FOCAD: variants seen among roughly 807,000 people sequenced by gnomAD.
FOCAD encodes KIAA1797.
In FOCAD, 198 loss-of-function variants were observed where a neutral mutation model predicts 225.6. That is an observed-to-expected ratio of 0.88 (90% confidence interval 0.78 to 0.99). The LOEUF (loss-of-function observed/expected upper bound fraction) is 0.99, where lower values mean the gene tolerates loss of function less well. FOCAD is among the 50% of genes least tolerant of loss of function. The pLI, the probability that FOCAD is intolerant of heterozygous loss-of-function variation, is 0.00. For missense variants in FOCAD, 2,713 were observed against 2,123.6 expected, an observed-to-expected ratio of 1.28 and a Z score of -5.46; for synonymous variants, 897 against 755.0, an observed-to-expected ratio of 1.19 and a Z score of -3.08.
At chr9:20,829,211 T>C (rs2131482287) in intron 15 of FOCAD, among the ~76,000 whole-genome samples, 1 of 152,164 alleles carries the variant, frequency 6.6e-6, no homozygotes, top group East Asian at 1.9e-4. Context: ...GAGGAAAAAC[T>C]GCACCTTCCA....
intron 7 of FOCAD, among the ~76,000 whole-genome samples, chr9:20,767,766 T>G (rs920962581): frequency 1.2e-3 from 173 of 147,802 alleles, no homozygotes; most frequent in African/African-American, 4.0e-3. Flanking sequence ...TTTCTCCCAT[T>G]TTGTAGGTTG....
chr9:20,921,855 G>A (rs1359435772), intron 24 of FOCAD, among the ~76,000 whole-genome samples: 2 of 152,234 alleles, frequency 1.3e-5, no homozygotes, highest in South Asian at 4.1e-4. Context: ...GGGTTAAAAA[G>A]AACTTTTTAT....
intron 2 of FOCAD, among the ~76,000 whole-genome samples, chr9:20,664,343 G>A (rs866238130): frequency 6.7e-6 from 1 of 149,648 alleles, no homozygotes; most frequent in Non-Finnish European, 1.5e-5. Context: ...ATTAAAAGAG[G>A]TAAAAAGTAA....
chr9:20,849,604 C>T (rs1425754329), intron 15 of FOCAD, among the ~76,000 whole-genome samples: 2 of 151,690 alleles, frequency 1.3e-5, no homozygotes, highest in Admixed American at 1.3e-4. Context: ...GATTTGGGTC[C>T]AAAGAGTTAG....
At chr9:20,761,406 A>G (rs1248393261) in intron 6 of FOCAD, among the ~76,000 whole-genome samples, 1 of 151,784 alleles carries the variant, frequency 6.6e-6, no homozygotes, top group Non-Finnish European at 1.5e-5. Context: ...GTTGGGCCTA[A>G]AGCCTCCGTT....
At chr9:20,721,973 T>TCCCCC (rs1485668129) in intron 4 of FOCAD, among the ~76,000 whole-genome samples, 2 of 33,694 alleles carry the variant, frequency 5.9e-5, no homozygotes, top group Non-Finnish European at 1.0e-4. Context: ...TTCTTTTTTC[T>TCCCCC]CCCCTCCTTC....
intron 38 of FOCAD, among the ~76,000 whole-genome samples, chr9:20,982,128 T>C (rs973379096): frequency 6.6e-6 from 1 of 152,146 alleles, no homozygotes; most frequent in Non-Finnish European, 1.5e-5. Flanking sequence ...TGAAGGAATT[T>C]TGATAAGGAG....
In FOCAD at chr9:20,770,224, G is replaced by T; in HGVS notation, c.892G>T (p.Glu298Ter). The T allele has an allele frequency of 6.2e-7, 1 of 1,613,824 alleles. No homozygotes were observed. The highest frequency in any genetic ancestry group is 1.1e-5 in the South Asian group (1 of 91,042). Residue 298 changes from glutamate (E) to a stop codon, truncating the protein, a stop_gained, in exon 8 of 44, where the codon GAA becomes TAA. Transcript: ENST00000338382. LOFTEE classifies it high-confidence loss of function. ...AATTCACCTTTTAGAGCACAGTGTT[G>T]AACTTCTGAAGGAGGTAAGGATAGT... is the stretch of plus-strand genomic sequence containing the variant. Reference protein sequence around the residue: ...SSIHLLEHSVELLKEDFPVEL... With the variant: ...SSIHLLEHSV
intron 15 of FOCAD, among the ~76,000 whole-genome samples, chr9:20,842,180 A>G (rs1826605011): frequency 6.6e-6 from 1 of 151,770 alleles, no homozygotes; most frequent in South Asian, 2.1e-4. Context: ...TGGTCTATCC[A>G]TGAAAATGAT....
At position 20,976,466 on chromosome 9, in the gene FOCAD, C is replaced by T. The variant is rs1384513506; in HGVS notation, c.4179C>T (p.Pro1393=). ...PPSLLKVVMK[P]IATVGESYQY... ...CCCTTCTTAAAGTAGTGATGAAACC[C>T]ATAGCAACTGTTGGAGAAAGCTACC... The change falls in exon 36 of 44, where the codon CCC becomes CCT. Residue 1393 remains proline (P), a synonymous_variant. Transcript: ENST00000338382. 3 of 1,613,222 alleles carry T rather than the reference C, an allele frequency of 1.9e-6. No homozygotes were observed. Among genetic ancestry groups the T allele is most frequent in the Non-Finnish European group, 1.7e-6 (2 of 1,179,334 alleles).
intron 35 of FOCAD, among the ~76,000 whole-genome samples, chr9:20,963,721 G>A (rs117725104): frequency 2.0e-5 from 3 of 152,178 alleles, no homozygotes; most frequent in Non-Finnish European, 4.4e-5. Context: ...CTTAATTTTT[G>A]TGTTTTCTTT....
intron 30 of FOCAD, 91 bp downstream of exon 30, chr9:20,946,911 G>T: frequency 6.7e-7 from 1 of 1,489,844 alleles, no homozygotes; most frequent in East Asian, 2.4e-5. Context: ...GAGTATAATG[G>T]GATATTTTTC....
chr9:20,776,514 A>G (rs1341402550), intron 8 of FOCAD, among the ~76,000 whole-genome samples: 1 of 152,226 alleles, frequency 6.6e-6, no homozygotes, highest in African/African-American at 2.4e-5. Context: ...TTTAAGATTT[A>G]TGTGGTCTAA....
intron 15 of FOCAD, among the ~76,000 whole-genome samples, chr9:20,846,120 T>A (rs1827082214): frequency 6.6e-6 from 1 of 152,138 alleles, no homozygotes; most frequent in South Asian, 2.1e-4. Flanking sequence ...AGAGTATGTC[T>A]GTTTCAGTCA....
At chr9:20,911,667 C>T (rs1283875191) in intron 22 of FOCAD, among the ~76,000 whole-genome samples, 7 of 152,092 alleles carry the variant, frequency 4.6e-5, no homozygotes, top group Non-Finnish European at 1.0e-4. Context: ...ATTTGTTGGC[C>T]ACTTTTTACA....
intron 22 of FOCAD, 40 bp downstream of exon 22, chr9:20,907,282 C>G: frequency 1.3e-6 from 2 of 1,489,158 alleles, no homozygotes; most frequent in Non-Finnish European, 9.4e-7. Flanking sequence ...GGCGAAATGT[C>G]TCCTTATCTC....
chr9:20,764,547 G>A lies in FOCAD; in HGVS notation c.495-322G>A, dbSNP rs1829893710. On this transcript the variant is annotated intron_variant, in intron 6 of 43. Transcript: ENST00000338382. ...GATTTTTATAGGCGTGAGCCTCCGTGCCCAGCCCAGATGATTCTTGTGTTC... is the reference window on the plus strand; with the variant it reads ...GATTTTTATAGGCGTGAGCCTCCGTACCCAGCCCAGATGATTCTTGTGTTC... Among the ~76,000 whole-genome samples the A allele has an allele frequency of 3.3e-5, 5 of 152,334 alleles. No individual in the cohort carries two copies. In the South Asian group the frequency reaches 1.0e-3, roughly 32 times the overall value.
intron 1 of FOCAD, among the ~76,000 whole-genome samples, chr9:20,705,193 C>G (rs1438361296): frequency 6.6e-6 from 1 of 152,078 alleles, no homozygotes; most frequent in African/African-American, 2.4e-5. Context: ...TTTAAAAGAC[C>G]TTTTATTATG....
chr9:20,942,882 A>C (rs543576798), intron 28 of FOCAD, among the ~76,000 whole-genome samples: 5 of 152,360 alleles, frequency 3.3e-5, no homozygotes, highest in Non-Finnish European at 4.4e-5. Flanking sequence ...GGAGAGTATT[A>C]AAGAGGCTCT....
Sources: gnomAD v4.1 joint callset for allele counts (sites outside exome capture counted in the v4.1 genomes callset) on GRCh38, gnomAD v4.1.1 for gene constraint, MANE v1.5 for transcripts, NCBI Gene and HGNC (gene_info 2026-07-23, HGNC 2026-07-21) for gene names.